Variants in RABGEF1 observed in about 807,000 individuals in gnomAD.
The protein encoded by RABGEF1 is rab5 GDP/GTP exchange factor.
RABGEF1 carries 26 observed loss-of-function variants against 57.3 expected under a neutral mutation model. The ratio of observed to expected loss-of-function variants is 0.45; its 90% confidence interval spans 0.33 to 0.63. The LOEUF is 0.63. Ranked by LOEUF, RABGEF1 falls within the 20% of genes least tolerant of loss-of-function variation. RABGEF1 has a pLI of 0.02. For synonymous variants in RABGEF1, 185 were observed against 210.7 expected (o/e 0.88, Z 1.06); for missense variants, 464 against 607.6 (o/e 0.76, Z 2.48).
At chr7:66,697,165 G>A (rs1171602345) in intron 1 of RABGEF1, among the ~76,000 whole-genome samples, 1 of 152,034 alleles carries the variant, frequency 6.6e-6, no homozygotes, top group Admixed American at 6.5e-5. Flanking sequence ...AAGAACCTCC[G>A]TCCAGAAGGC....
intron 1 of RABGEF1, among the ~76,000 whole-genome samples, chr7:66,711,673 G>A (rs1445878725): frequency 1.3e-5 from 2 of 151,650 alleles, no homozygotes; most frequent in Non-Finnish European, 1.5e-5. Context: ...TGCAAGCTCC[G>A]CCTCCTGGGT....
At chr7:66,745,221 C>G (rs1022965109) in intron 1 of RABGEF1, among the ~76,000 whole-genome samples, 1 of 151,924 alleles carries the variant, frequency 6.6e-6, no homozygotes, top group Non-Finnish European at 1.5e-5. Flanking sequence ...TCAGTACTTA[C>G]TCATTGTGAT....
At chr7:66,697,240 C>T (rs1792490664) in intron 1 of RABGEF1, among the ~76,000 whole-genome samples, 1 of 152,192 alleles carries the variant, frequency 6.6e-6, no homozygotes, top group African/African-American at 2.4e-5. Context: ...GAGCCGACCT[C>T]TCTGCCCCAA....
rs1478855394 is a variant in RABGEF1 at position 66,773,945 on chromosome 7, C to T, written c.180-1282C>T. On this transcript the variant is annotated intron_variant, in intron 2 of 8. Transcript: ENST00000284957. ...CCTCCCAGTGTGCTGGGATTACAGG[C>T]GTGAGCCACTGCACCTGGCCTGTGT... is the stretch of plus-strand genomic sequence containing the variant. 68 of 389,482 alleles carry T rather than the reference C, an allele frequency of 1.7e-4. 1 individual carries two copies. Among genetic ancestry groups the T allele is most frequent in the East Asian group, 2.2e-4 (3 of 13,400 alleles). The allele number at this position is 389,482 out of a possible 1,614,324, so 24.1% of individuals were successfully genotyped here. A position where few individuals can be genotyped will look rare whatever the true frequency, so the allele number is the denominator to read the frequency against.
intron 1 of RABGEF1, among the ~76,000 whole-genome samples, chr7:66,702,492 A>G (rs1403419705): frequency 6.6e-6 from 1 of 151,916 alleles, no homozygotes; most frequent in Admixed American, 6.6e-5. Flanking sequence ...TCTCTTGGGT[A>G]TATATCTAGG....
chr7:66,730,627 C>T (rs1797210821), intron 2 of RABGEF1, among the ~76,000 whole-genome samples: 1 of 149,328 alleles, frequency 6.7e-6, no homozygotes, highest in Admixed American at 6.8e-5. Context: ...GGTACAGTCT[C>T]GGCTCACTGC....
intron 1 of RABGEF1, among the ~76,000 whole-genome samples, chr7:66,686,068 C>T (rs1790578817): frequency 1.3e-5 from 2 of 151,976 alleles, no homozygotes. Flanking sequence ...CACTTAAGGC[C>T]AGGAGTTAGA....
At chr7:66,694,843 A>G (rs1354708006) in intron 1 of RABGEF1, among the ~76,000 whole-genome samples, 18 of 152,278 alleles carry the variant, frequency 1.2e-4, no homozygotes, top group Middle Eastern at 3.4e-3. Flanking sequence ...GAGGGGAACA[A>G]CGGGGCTGGG....
chr7:66,774,632 C>T (rs180706802), intron 2 of RABGEF1, among the ~76,000 whole-genome samples: 142 of 152,180 alleles, frequency 9.3e-4, no homozygotes, highest in African/African-American at 3.3e-3. Flanking sequence ...TGGTGGTGTG[C>T]GCCTGTAGTC....
At chr7:66,707,704 G>A (rs1027665055) in intron 1 of RABGEF1, among the ~76,000 whole-genome samples, 2 of 152,112 alleles carry the variant, frequency 1.3e-5, no homozygotes, top group Non-Finnish European at 2.9e-5. Flanking sequence ...AACAAAAAGA[G>A]TATTGAAGTG....
At chr7:66,799,905 G>GA (rs1196616356) in intron 7 of RABGEF1, among the ~76,000 whole-genome samples, 28 of 152,244 alleles carry the variant, frequency 1.8e-4, no homozygotes, top group African/African-American at 6.5e-4. Flanking sequence ...GTTTGATCAG[G>GA]AAATAAATGA....
intron 1 of RABGEF1, among the ~76,000 whole-genome samples, chr7:66,697,773 TCACCCCATAA>T (rs1792576763): frequency 6.6e-6 from 1 of 151,980 alleles, no homozygotes. Context: ...GGAGGGAACA[TCACCCCATAA>T]ACTGAGGTCA....
chr7:66,678,382 G>C (rs541006671), upstream of RABGEF1, among the ~76,000 whole-genome samples: 161 of 151,742 alleles, frequency 1.1e-3, no homozygotes, highest in African/African-American at 3.7e-3. Flanking sequence ...TGGCTAACAC[G>C]GTGAAACCCT....
the RABGEF1 span, chr7:66,667,611 G>T: frequency 6.6e-6 from 1 of 152,260 alleles, no homozygotes; most frequent in South Asian, 2.1e-4. Context: ...TTTACTTTCT[G>T]TAAGTGACTT....
At chr7:66,670,891 G>GTATA in the RABGEF1 span, among the ~76,000 whole-genome samples, 53 of 122,902 alleles carry the variant, frequency 4.3e-4, no homozygotes, top group African/African-American at 1.5e-3. Flanking sequence ...ATACACATAC[G>GTATA]TATACACACA....
chr7:66,738,744 A>AAG, upstream of RABGEF1, among the ~76,000 whole-genome samples: 1 of 151,884 alleles, frequency 6.6e-6, no homozygotes, highest in Non-Finnish European at 1.5e-5. Flanking sequence ...AAAAAAAAAA[A>AAG]AAAAAGAAAC....
At chr7:66,799,854 T>A (rs1035336480) in intron 7 of RABGEF1, among the ~76,000 whole-genome samples, 1 of 152,144 alleles carries the variant, frequency 6.6e-6, no homozygotes, top group Non-Finnish European at 1.5e-5. Context: ...AAATGATGCC[T>A]CTGACTGGTT....
chr7:66,720,213 T>TA (rs1795884097), intron 2 of RABGEF1, among the ~76,000 whole-genome samples: 1 of 148,448 alleles, frequency 6.7e-6, no homozygotes, highest in Non-Finnish European at 1.5e-5. Context: ...TTTTTTTCTT[T>TA]GAGAGGGTGA....
At chr7:66,789,160 G>A (rs1277387495) in intron 4 of RABGEF1, among the ~76,000 whole-genome samples, 1 of 152,096 alleles carries the variant, frequency 6.6e-6, no homozygotes, top group East Asian at 1.9e-4. Flanking sequence ...ATTTAATCAA[G>A]GAGTAGTTTG....
Sources: gnomAD v4.1 joint callset for allele counts (sites outside exome capture counted in the v4.1 genomes callset) on GRCh38, gnomAD v4.1.1 for gene constraint, MANE v1.5 for transcripts, NCBI Gene and HGNC (gene_info 2026-07-23, HGNC 2026-07-21) for gene names.